Variants in FAM227B observed in about 807,000 individuals in gnomAD.
FAM227B encodes family with sequence similarity 227 member B, also known as protein FAM227B.
In FAM227B, 88 loss-of-function variants were observed where a neutral mutation model predicts 73.8. The observed-to-expected ratio is 1.19, with a 90% CI of 1.00 to 1.42. The LOEUF (loss-of-function observed/expected upper bound fraction) is 1.42. Ranked by LOEUF, FAM227B falls within the 40% of genes most tolerant of loss-of-function variation. The probability of loss-of-function intolerance (pLI) is 0.00; values close to 1 mark genes in which losing one functional copy is unlikely to be tolerated. For missense variants in FAM227B, 632 were observed against 590.9 expected (o/e 1.07, Z -0.72); for synonymous variants, 210 against 190.5 (o/e 1.10, Z -0.84).
intron 3 of FAM227B, among the ~76,000 whole-genome samples, chr15:49,600,907 T>G (rs759514939): frequency 6.6e-6 from 1 of 150,870 alleles, no homozygotes; most frequent in African/African-American, 2.4e-5. Flanking sequence ...CTGGGTGTGG[T>G]GGTGTGCGCC....
chr15:49,538,356 C>G (rs1193982181), intron 10 of FAM227B, among the ~76,000 whole-genome samples: 5 of 152,156 alleles, frequency 3.3e-5, no homozygotes, highest in Non-Finnish European at 7.4e-5. Context: ...AGCACTTCAT[C>G]AGTTTGGCCG....
At chr15:49,414,325 T>G (rs1411682512) in intron 11 of FAM227B, among the ~76,000 whole-genome samples, 1 of 147,452 alleles carries the variant, frequency 6.8e-6, no homozygotes, top group African/African-American at 2.5e-5. Context: ...GGAGAGAAGG[T>G]AGAGAGGGAG....
chr15:49,371,083 G>A (rs1045180755), intron 12 of FAM227B, among the ~76,000 whole-genome samples: 5 of 152,012 alleles, frequency 3.3e-5, no homozygotes, highest in African/African-American at 1.2e-4. Context: ...TAAATATTAT[G>A]ATATTTTTCA....
At chr15:49,505,124 T>A (rs908951550) in intron 11 of FAM227B, among the ~76,000 whole-genome samples, 4 of 152,118 alleles carry the variant, frequency 2.6e-5, no homozygotes, top group Non-Finnish European at 5.9e-5. Flanking sequence ...TCAGAATAAT[T>A]ATGTGGAATA....
intron 14 of FAM227B, 57 bp downstream of exon 14, chr15:49,335,361 GT>G: frequency 8.8e-7 from 1 of 1,132,392 alleles, no homozygotes; most frequent in Non-Finnish European, 1.3e-6. Context: ...TTCTCTGATT[GT>G]TTCCAGTTCT....
intron 9 of FAM227B, among the ~76,000 whole-genome samples, chr15:49,566,164 G>A (rs970559952): frequency 1.3e-5 from 2 of 152,150 alleles, no homozygotes; most frequent in Non-Finnish European, 2.9e-5. Flanking sequence ...GGTAAGTGAT[G>A]GTATTCTTTT....
chr15:49,534,694 A>C (rs1335689800), intron 10 of FAM227B, among the ~76,000 whole-genome samples: 1 of 151,870 alleles, frequency 6.6e-6, no homozygotes, highest in Non-Finnish European at 1.5e-5. Context: ...GATAGACCAT[A>C]TGTTAGGCCA....
At chr15:49,339,010 T>TC (rs1384969435) in intron 13 of FAM227B, among the ~76,000 whole-genome samples, 1 of 152,188 alleles carries the variant, frequency 6.6e-6, no homozygotes, top group Non-Finnish European at 1.5e-5. Flanking sequence ...AAACTGGTTA[T>TC]CCTAGTTAGC....
chr15:49,452,928 A>G (rs1431576064), intron 11 of FAM227B, among the ~76,000 whole-genome samples: 1 of 152,180 alleles, frequency 6.6e-6, no homozygotes, highest in Non-Finnish European at 1.5e-5. Flanking sequence ...CAAAGTCAGG[A>G]ATTTATCACT....
chr15:49,487,343 C>T (rs1415019875), intron 11 of FAM227B: 2 of 151,708 alleles, frequency 1.3e-5, no homozygotes, highest in Admixed American at 1.3e-4. Flanking sequence ...AAAATTAAAA[C>T]ATGAAATGAT....
chr15:49,344,733 C>T (rs1337130824), intron 13 of FAM227B, among the ~76,000 whole-genome samples: 1 of 152,090 alleles, frequency 6.6e-6, no homozygotes. Flanking sequence ...AGCTTTTTTC[C>T]CCACTTTGGC....
chr15:49,504,738 C>A (rs1277729669), intron 11 of FAM227B, among the ~76,000 whole-genome samples: 6 of 152,138 alleles, frequency 3.9e-5, no homozygotes, highest in Admixed American at 3.9e-4. Flanking sequence ...AGAAGCTGAG[C>A]AGATACCAAC....
At chr15:49,412,418 T>C (rs999126628) in intron 11 of FAM227B, among the ~76,000 whole-genome samples, 9 of 152,130 alleles carry the variant, frequency 5.9e-5, no homozygotes, top group South Asian at 2.1e-4. Context: ...TTCAGGAATA[T>C]GAAAGCAATT....
At chr15:49,374,222 T>C (rs1340270492) in intron 11 of FAM227B, among the ~76,000 whole-genome samples, 3 of 152,186 alleles carry the variant, frequency 2.0e-5, no homozygotes, top group Non-Finnish European at 4.4e-5. Flanking sequence ...GACCCAAGCC[T>C]GATATAATTT....
At chr15:49,354,510 C>T (rs1375838952) in intron 13 of FAM227B, among the ~76,000 whole-genome samples, 2 of 152,244 alleles carry the variant, frequency 1.3e-5, no homozygotes, top group Non-Finnish European at 2.9e-5. Flanking sequence ...AATCGTGTCA[C>T]TCCCACCTGA....
chr15:49,514,415 T>C (rs952191443), intron 10 of FAM227B, among the ~76,000 whole-genome samples: 3 of 152,134 alleles, frequency 2.0e-5, no homozygotes, highest in Admixed American at 6.6e-5. Flanking sequence ...TGTTAATGTA[T>C]AGGAATGCTT....
chr15:49,606,273 A>T (rs943250962), intron 3 of FAM227B: 1 of 147,294 alleles, frequency 6.8e-6, no homozygotes, highest in Admixed American at 6.8e-5. Flanking sequence ...TCTCCTAAGT[A>T]TTTTTTTTTT....
At chr15:49,547,802 T>C (rs2072167738) in intron 9 of FAM227B, among the ~76,000 whole-genome samples, 1 of 152,154 alleles carries the variant, frequency 6.6e-6, no homozygotes, top group African/African-American at 2.4e-5. Flanking sequence ...GCATCTAACA[T>C]AGGAACTCAC....
intron 11 of FAM227B, chr15:49,486,452 A>G (rs1246909827): frequency 1.3e-5 from 2 of 151,964 alleles, no homozygotes; most frequent in Non-Finnish European, 2.9e-5. Context: ...TTAGTTTTTC[A>G]TATGTGTTTC....
Sources: gnomAD v4.1 joint callset for allele counts (sites outside exome capture counted in the v4.1 genomes callset) on GRCh38, gnomAD v4.1.1 for gene constraint, MANE v1.5 for transcripts, NCBI Gene and HGNC (gene_info 2026-07-23, HGNC 2026-07-21) for gene names.